Variants in SF3B1 observed in about 807,000 individuals in gnomAD.
The protein encoded by SF3B1 is pre-mRNA processing 10.
In SF3B1, 12 loss-of-function variants were observed where a neutral mutation model predicts 153.8. The observed-to-expected ratio is 0.08, with a 90% CI of 0.05 to 0.13. The LOEUF is 0.13. Among genes scored for constraint, SF3B1 ranks in the 10% least tolerant of loss-of-function variants. The pLI is 1.00. For synonymous variants in SF3B1, 498 were observed against 525.2 expected (o/e 0.95, Z 0.71); for missense variants, 513 against 1,606.1 (o/e 0.32, Z 11.63).
chr2:197,420,978 C>A, intron 3 of SF3B1, 51 bp downstream of exon 3: 1 of 1,105,302 alleles, frequency 9.0e-7, no homozygotes, highest in Non-Finnish European at 1.4e-6. Flanking sequence ...GGAACTCAGA[C>A]ATTCACTTTT....
intron 11 of SF3B1, chr2:197,404,864 A>C (rs2084973282): frequency 2.4e-6 from 1 of 416,756 alleles, no homozygotes; most frequent in Non-Finnish European, 4.4e-6. Context: ...TTCCTGGTGA[A>C]AAAATTAAAA....
rs145518457 is a variant in SF3B1, at chr2:197,423,641, T to A, written c.195+167A>T. On this transcript the variant is annotated intron_variant, in intron 2 of 24. Transcript: ENST00000335508. ...CCATAAATTCTCAGAACAAAGCATT[T>A]CCAGTGAAGTTTCTGAACCTTAGAG... is the stretch of plus-strand genomic sequence containing the variant. Among the ~76,000 whole-genome samples, 655 of 152,298 alleles carry A rather than the reference T, an allele frequency of 4.3e-3. 4 individuals carry two copies. The highest frequency in any genetic ancestry group is 8.4e-3 in the Non-Finnish European group (570 of 68,028).
intron 4 of SF3B1, 126 bp from the exon 5 acceptor site, chr2:197,418,714 A>G: frequency 6.9e-7 from 1 of 1,450,102 alleles, no homozygotes; most frequent in Middle Eastern, 1.9e-4. Context: ...TTTTTGATGG[A>G]AAACTTTAAT....
At position 197,402,104 on chromosome 2, in the gene SF3B1, G is replaced by A. The variant is rs16865307; in HGVS notation, c.2104C>T (p.Arg702Trp). 1 of 1,606,018 alleles carries A rather than the reference G, an allele frequency of 6.2e-7. No individual in the cohort carries two copies. The highest frequency in any genetic ancestry group is 1.7e-5 in the Admixed American group (1 of 58,390). ...HGLVDEQQKV[R>W]TISALAIAAL... ...GCAATGGCCAAAGCACTGATGGTCC[G>A]AACTTTCTGCTGCTCATCCACAAGA... Residue 702 changes from arginine to tryptophan, a missense_variant, in exon 15 of 25, where the codon CGG (arginine) becomes TGG (tryptophan). By Grantham distance (101) the Arg-to-Trp change is moderately radical (BLOSUM62 -3). Coordinates refer to ENST00000335508, the MANE Select transcript of SF3B1 (RefSeq NM_012433.4). The surrounding 1 kb of genome is among the most constrained non-coding windows in gnomAD (Gnocchi z 4.6).
chr2:197,394,688 G>A (rs577063462), intron 23 of SF3B1, among the ~76,000 whole-genome samples: 4 of 152,228 alleles, frequency 2.6e-5, no homozygotes, highest in African/African-American at 9.6e-5. Context: ...GGTAGATCAC[G>A]AGGTCAGGAG....
chr2:197,411,396 G>A (rs772727536), intron 6 of SF3B1, among the ~76,000 whole-genome samples: 14 of 151,350 alleles, frequency 9.3e-5, no homozygotes, highest in African/African-American at 3.2e-4. Context: ...GCTCTTGGCC[G>A]GGTGCGGTGG....
At position 197,398,107 on chromosome 2, in the gene SF3B1, T is replaced by C. The variant is rs765509812; in HGVS notation, c.3144A>G (p.Glu1048=). Residue 1048 remains glutamate (E), a synonymous_variant, in exon 22 of 25, where the codon GAA becomes GAG. Coordinates refer to ENST00000335508, the MANE Select transcript of SF3B1 (RefSeq NM_012433.4). ...LVGRIADRGA[E]YVSAREWMRI... ...TCATCCACTCTCTTGCAGATACATA[T>C]TCAGCTCCCCTAATTTAAAAAATAC... 1.4e-5 allele frequency: 23 copies of C among 1,608,170 alleles called. No homozygotes were observed. The highest frequency in any genetic ancestry group is 2.0e-5 in the Non-Finnish European group (23 of 1,176,420).
rs780655903 is a variant in SF3B1 at position 197,391,162 on chromosome 2, T to G, written c.*1141A>C. 1.3e-5 allele frequency: 2 copies of G among 152,208 alleles called. No homozygotes were observed. Among genetic ancestry groups the G allele is most frequent in the Non-Finnish European group, 2.9e-5 (2 of 68,030 alleles). 9.4% of individuals were successfully genotyped at this position (152,208 alleles called of 1,614,324 possible). ...TTACATATTTGCTTAAAAAATTAAG[T>G]GTAGTACTGCCTTAATGCTTGGTTC... On this transcript the variant is annotated 3_prime_UTR_variant, in exon 25 of 25. Transcript: ENST00000335508.
chr2:197,434,387 A>G (rs1358799532), intron 1 of SF3B1, among the ~76,000 whole-genome samples: 1 of 152,236 alleles, frequency 6.6e-6, no homozygotes, highest in African/African-American at 2.4e-5. Flanking sequence ...ACCAGTCTCC[A>G]AAGAAAAAGA....
intron 1 of SF3B1, among the ~76,000 whole-genome samples, chr2:197,428,827 G>A (rs1425473474): frequency 6.6e-5 from 10 of 152,034 alleles, no homozygotes; most frequent in African/African-American, 2.2e-4. Context: ...CCTGGGAGGT[G>A]GAGGTTGCAG....
Position 197,421,049 on chromosome 2 carries a change from T to C in SF3B1, c.280A>G (p.Ile94Val), listed in dbSNP as rs757970228. 7 of 1,608,894 alleles carry C rather than the reference T, an allele frequency of 4.4e-6. No homozygotes were observed. Among genetic ancestry groups the C allele is most frequent in the African/African-American group, 1.3e-5 (1 of 74,898 alleles). Residue 94 changes from isoleucine (I) to valine (V), a missense_variant, in exon 3 of 25, where the codon ATA (isoleucine) becomes GTA (valine). Coordinates refer to ENST00000335508, the MANE Select transcript of SF3B1 (RefSeq NM_012433.4). ...ATCACCTGTTCTGTTGACTGTGGTA[T>C]ATCATTAAGCAATGCCACAGGGGCA... ...YHAPVALLNDIPQSTEQYDPF... is the reference protein window; with the variant it reads ...YHAPVALLNDVPQSTEQYDPF...
At chr2:197,409,315 G>A (rs571343470) in intron 7 of SF3B1, among the ~76,000 whole-genome samples, 4 of 152,152 alleles carry the variant, frequency 2.6e-5, no homozygotes, top group African/African-American at 9.6e-5. Flanking sequence ...CAGGAGAATC[G>A]CCTGAATCCG....
chr2:197,393,274 AG>A (rs2084834777), intron 23 of SF3B1, 86 bp from the exon 24 acceptor site: 3 of 854,834 alleles, frequency 3.5e-6, no homozygotes, highest in Non-Finnish European at 5.8e-6. Context: ...TTAGTTTTAC[AG>A]GAAATATTCA....
chr2:197,400,967 TAGACTGC>T lies in SF3B1; in HGVS notation c.2497-38_2497-32del. ...AAGAACAGAAAAACAAAAAACCTTTTAGACTGCTTTTCCAAGGAAATAAAGCAACATC... is the reference window on the plus strand; with the variant it reads ...AAGAACAGAAAAACAAAAAACCTTTTTTTTCCAAGGAAATAAAGCAACATC... On this transcript the variant is annotated intron_variant, in intron 17 of 24. Transcript: ENST00000335508. This position sits in a 1 kb window ranked among gnomAD's most constrained non-coding sequence, Gnocchi z 5.0. 3 of 1,398,252 alleles carry T rather than the reference TAGACTGC, an allele frequency of 2.1e-6. No individual in the cohort carries two copies. Among genetic ancestry groups the T allele is most frequent in the Non-Finnish European group, 3.0e-6 (3 of 998,014 alleles). 86.6% of individuals were successfully genotyped at this position (1,398,252 alleles called of 1,614,324 possible).
At chr2:197,395,288 T>C (rs2084863739) in intron 23 of SF3B1, among the ~76,000 whole-genome samples, 1 of 152,346 alleles carries the variant, frequency 6.6e-6, no homozygotes, top group East Asian at 1.9e-4. Context: ...ATTCTTACTT[T>C]GTCTCCATGT....
At chr2:197,414,771 G>C (rs1345928587) in intron 6 of SF3B1, among the ~76,000 whole-genome samples, 1 of 152,144 alleles carries the variant, frequency 6.6e-6, no homozygotes, top group African/African-American at 2.4e-5. Flanking sequence ...TTGCAAGGCT[G>C]AGGCAGATGG....
At chr2:197,425,937 T>A (rs552031022) in intron 1 of SF3B1, among the ~76,000 whole-genome samples, 4 of 152,120 alleles carry the variant, frequency 2.6e-5, no homozygotes, top group South Asian at 4.2e-4. Context: ...AGGTCAAGGC[T>A]GCAGTAAGCC....
intron 24 of SF3B1, among the ~76,000 whole-genome samples, 162 bp from the exon 25 acceptor site, chr2:197,392,623 C>T (rs1353788799): frequency 7.2e-6 from 1 of 138,828 alleles, no homozygotes; most frequent in Admixed American, 7.6e-5. Flanking sequence ...ATGGAAGAGA[C>T]AAAACTCACT....
At chr2:197,433,033 T>G (rs1016958978) in intron 1 of SF3B1, among the ~76,000 whole-genome samples, 1 of 152,210 alleles carries the variant, frequency 6.6e-6, no homozygotes, top group Non-Finnish European at 1.5e-5. Flanking sequence ...ATAGCAGCAC[T>G]GCCCCAAAAA....
Sources: allele counts gnomAD v4.1 joint callset (sites outside exome capture counted in the v4.1 genomes callset), GRCh38; gene constraint gnomAD v4.1.1; non-coding constraint Gnocchi (gnomAD v3.1); transcripts MANE v1.5; gene names NCBI Gene and HGNC (gene_info 2026-07-23, HGNC 2026-07-21).